NOTCH2NLA: variants seen among roughly 807,000 people sequenced by gnomAD.
NOTCH2NLA encodes notch 2 N-terminal like A, also known as notch homolog 2 N-terminal-like protein A.
chr1:146,154,003 CCATACACACA>C (rs1261883870), downstream of NOTCH2NLA: 9 of 73,428 alleles, frequency 1.2e-4, no homozygotes, highest in African/African-American at 5.3e-4. Context: ...CTGCACAACG[CCATACACACA>C]CACACACACA....
intron 1 of NOTCH2NLA, among the ~76,000 whole-genome samples, chr1:146,200,332 A>G: frequency 1.4e-5 from 1 of 73,334 alleles, no homozygotes; most frequent in African/African-American, 6.3e-5. Context: ...CTGAGGCAGG[A>G]GAATGGCATG....
intron 3 of NOTCH2NLA, among the ~76,000 whole-genome samples, chr1:146,162,221 G>T (rs1158175250): frequency 1.4e-5 from 2 of 142,738 alleles, no homozygotes; most frequent in Non-Finnish European, 1.5e-5. Context: ...TTTAAGTATC[G>T]TTAACTTTAT....
At position 146,210,539 on chromosome 1, in the gene NOTCH2NLA, G is replaced by A. The variant is rs1158554360; in HGVS notation, c.-45+18170C>T. Among the ~76,000 whole-genome samples, 12 of 77,462 alleles carry A rather than the reference G, an allele frequency of 1.5e-4. 2 individuals carry two copies. The South Asian group carries it at 4.6e-3, about 30-fold the overall frequency. 50.8% of individuals were successfully genotyped at this position (77,462 alleles called of 152,430 possible). ...TCTGGACAGCTATTCCTTGCCAACT[G>A]AGATTAGGCACTATTATAAAAAAAG... On this transcript the variant is annotated intron_variant, in intron 1 of 4. Coordinates refer to ENST00000362074, the Ensembl canonical transcript of NOTCH2NLA.
At chr1:146,192,901 C>CA (rs1417684847) in intron 1 of NOTCH2NLA, among the ~76,000 whole-genome samples, 1 of 6,688 alleles carries the variant, frequency 1.5e-4, no homozygotes, top group African/African-American at 2.9e-4. Context: ...TTTGACACAA[C>CA]ATGGATAGAA....
intron 1 of NOTCH2NLA, among the ~76,000 whole-genome samples, chr1:146,224,180 C>CAGG (rs1250941655): frequency 9.0e-6 from 1 of 110,940 alleles, no homozygotes; most frequent in African/African-American, 3.6e-5. Context: ...TTGCAATATC[C>CAGG]AACTCAATGA....
At chr1:146,180,109 T>C (rs1419588714) in intron 2 of NOTCH2NLA, among the ~76,000 whole-genome samples, 1 of 143,076 alleles carries the variant, frequency 7.0e-6, no homozygotes, top group Non-Finnish European at 1.6e-5. Flanking sequence ...TCTATAGCGC[T>C]TCAGAGTCCA....
In NOTCH2NLA at chr1:146,182,429, A is replaced by G. The variant is rs1438267680; in HGVS notation, c.38+6871T>C. On this transcript the variant is annotated intron_variant, in intron 2 of 4. Coordinates refer to ENST00000362074, the Ensembl canonical transcript of NOTCH2NLA. ...CATGAGGACTAAAGTAAATACATGTAAACTACTTGAGAACAGACCCTAATA... is the reference window on the plus strand; with the variant it reads ...CATGAGGACTAAAGTAAATACATGTGAACTACTTGAGAACAGACCCTAATA... 1.1e-4 allele frequency among the ~76,000 whole-genome samples: 16 copies of G among 139,940 alleles called. 1 individual carries two copies. The highest frequency in any genetic ancestry group is 2.6e-4 in the Non-Finnish European group (16 of 60,766). 91.8% of individuals were successfully genotyped at this position (139,940 alleles called of 152,430 possible).
intron 4 of NOTCH2NLA, among the ~76,000 whole-genome samples, chr1:146,150,161 G>A (rs1660903874): frequency 6.7e-6 from 1 of 149,894 alleles, no homozygotes; most frequent in Non-Finnish European, 1.5e-5. Context: ...TCCAGAAGAG[G>A]CATTTCTGGA....
At chr1:146,186,183 T>A (rs1176471534) in intron 2 of NOTCH2NLA, among the ~76,000 whole-genome samples, 1 of 134,596 alleles carries the variant, frequency 7.4e-6, no homozygotes, top group Non-Finnish European at 1.7e-5. Flanking sequence ...TTGTTGTTCA[T>A]CTTGGTCTCC....
intron 2 of NOTCH2NLA, among the ~76,000 whole-genome samples, chr1:146,180,061 TG>T (rs1662467683): frequency 7.1e-6 from 1 of 140,894 alleles, no homozygotes; most frequent in Non-Finnish European, 1.6e-5. Context: ...TAAATACTAG[TG>T]TGATAAAAAT....
intron 2 of NOTCH2NLA, among the ~76,000 whole-genome samples, chr1:146,180,477 C>A (rs587728164): frequency 2.1e-5 from 3 of 141,768 alleles, no homozygotes; most frequent in Admixed American, 7.2e-5. Context: ...TAGGAGAAGG[C>A]TGATGGAGTC....
intron 1 of NOTCH2NLA, among the ~76,000 whole-genome samples, chr1:146,200,424 G>GAAAAAA (rs1173459520): frequency 6.1e-5 from 1 of 16,428 alleles, no homozygotes; most frequent in Non-Finnish European, 1.1e-4. Context: ...CTCTGCCTGA[G>GAAAAAA]AAAAAAAAAA....
intron 1 of NOTCH2NLA, among the ~76,000 whole-genome samples, chr1:146,219,342 C>A (rs1663998248): frequency 1.5e-5 from 1 of 64,542 alleles, no homozygotes; most frequent in Non-Finnish European, 2.8e-5. Flanking sequence ...TTTCAAGTAG[C>A]TACAGAAAAT....
At chr1:146,159,782 A>T (rs1253503461) in intron 3 of NOTCH2NLA, among the ~76,000 whole-genome samples, 3 of 92,692 alleles carry the variant, frequency 3.2e-5, no homozygotes, top group African/African-American at 1.1e-4. Context: ...ATTCTGGCTA[A>T]CAAGGTGAAA....
intron 2 of NOTCH2NLA, among the ~76,000 whole-genome samples, chr1:146,186,861 A>C (rs1329911008): frequency 7.4e-6 from 1 of 135,496 alleles, no homozygotes; most frequent in Non-Finnish European, 1.7e-5. Context: ...GAAATAAATA[A>C]ATTTTTTTTT....
In NOTCH2NLA at chr1:146,162,157, T is replaced by C. The variant is rs368689069; in HGVS notation, c.298+2594A>G. The stretch of plus-strand genomic sequence containing the variant: ...TTGTACTAAGAAAATATCTTCATTT[T>C]ATTTCCTTTCTCCTTTATCATGTGA... On this transcript the variant is annotated intron_variant, in intron 3 of 4. Coordinates refer to ENST00000362074, the Ensembl canonical transcript of NOTCH2NLA. 1.2e-4 allele frequency among the ~76,000 whole-genome samples: 17 copies of C among 141,618 alleles called. 2 individuals carry two copies. The East Asian group carries it at 1.8e-3, about 15-fold the overall frequency. The allele number at this position is 141,618 out of a possible 152,430, so 92.9% of individuals were successfully genotyped here.
intron 3 of NOTCH2NLA, among the ~76,000 whole-genome samples, chr1:146,159,445 A>AAGAG (rs67159131): frequency 4.3e-5 from 6 of 139,716 alleles, no homozygotes; most frequent in Non-Finnish European, 8.0e-5. Flanking sequence ...GAAAGAAAGA[A>AAGAG]AGAGAAAGAA....
chr1:146,159,393 GAGAAAGAA>G (rs201617510), intron 3 of NOTCH2NLA, among the ~76,000 whole-genome samples: 8,285 of 110,816 alleles, frequency 0.075, 204 homozygotes, highest in African/African-American at 0.11. Flanking sequence ...GAGAAAGAGA[GAGAAAGAA>G]AGAAAGAAAG....
intron 2 of NOTCH2NLA, among the ~76,000 whole-genome samples, chr1:146,182,637 G>T (rs1416274236): frequency 9.0e-6 from 1 of 110,934 alleles, no homozygotes; most frequent in Admixed American, 9.8e-5. Flanking sequence ...ATGAGGTCAG[G>T]AGATAGAGAC....
Sources: allele counts gnomAD v4.1 joint callset (sites outside exome capture counted in the v4.1 genomes callset), GRCh38; gene constraint gnomAD v4.1.1; transcripts MANE v1.5; gene names NCBI Gene and HGNC (gene_info 2026-07-23, HGNC 2026-07-21).